CEP89: variants seen among roughly 807,000 people sequenced by gnomAD.
CEP89 encodes centrosomal protein 89, also known as centrosomal protein of 89 kDa.
Under a neutral mutation model 97.6 loss-of-function variants are expected in CEP89, and 95 were observed. That is an observed-to-expected ratio of 0.97 (90% confidence interval 0.82 to 1.15). CEP89 has a LOEUF of 1.15. CEP89 is among the 50% of genes most tolerant of loss of function. CEP89 has a pLI of 0.00. For synonymous variants in CEP89, 354 were observed against 349.1 expected, an observed-to-expected ratio of 1.01 and a Z score of -0.16; for missense variants, 869 against 947.7, an observed-to-expected ratio of 0.92 and a Z score of 1.09.
intron 16 of CEP89, among the ~76,000 whole-genome samples, chr19:32,897,134 A>T (rs1046721409): frequency 6.6e-6 from 1 of 152,240 alleles, no homozygotes; most frequent in African/African-American, 2.4e-5. Flanking sequence ...TCCAAAGAAC[A>T]GAAGTCTGTG....
intron 1 of CEP89, among the ~76,000 whole-genome samples, chr19:32,968,104 G>A (rs759557347): frequency 2.6e-5 from 4 of 152,190 alleles, no homozygotes; most frequent in Non-Finnish European, 4.4e-5. Flanking sequence ...CACAGGAGCA[G>A]AAGCTCCAAG....
chr19:32,942,592 C>T (rs187191973), intron 5 of CEP89, among the ~76,000 whole-genome samples: 29 of 152,286 alleles, frequency 1.9e-4, no homozygotes, highest in Non-Finnish European at 3.5e-4. Flanking sequence ...AAAGATTAAA[C>T]TTACAATTTA....
chr19:32,892,675 A>AG (rs1969556638), intron 16 of CEP89, among the ~76,000 whole-genome samples: 1 of 123,490 alleles, frequency 8.1e-6, no homozygotes, highest in Non-Finnish European at 1.8e-5. Flanking sequence ...AAGGGCTAAA[A>AG]GAAAAAAAAA....
At chr19:32,897,778 T>C (rs1194250853) in intron 16 of CEP89, among the ~76,000 whole-genome samples, 8 of 152,126 alleles carry the variant, frequency 5.3e-5, no homozygotes, top group Admixed American at 2.0e-4. Flanking sequence ...CCCATGCTGG[T>C]CTCAAACTCC....
chr19:32,959,050 A>AC (rs1403620985), intron 3 of CEP89, among the ~76,000 whole-genome samples: 5 of 125,144 alleles, frequency 4.0e-5, no homozygotes, highest in African/African-American at 1.4e-4. Flanking sequence ...ACAAAACAAA[A>AC]AAAAAAAAAA....
At chr19:32,897,901 G>A (rs554587332) in intron 16 of CEP89, among the ~76,000 whole-genome samples, 1 of 152,268 alleles carries the variant, frequency 6.6e-6, no homozygotes, top group South Asian at 2.1e-4. Flanking sequence ...TGAGGATGTG[G>A]AGAAAAGGGA....
intron 1 of CEP89, among the ~76,000 whole-genome samples, chr19:32,967,552 A>G (rs1260388030): frequency 6.8e-6 from 1 of 146,362 alleles, no homozygotes; most frequent in Non-Finnish European, 1.5e-5. Context: ...TAAAAACACT[A>G]TTGTTTTCTA....
chr19:32,960,556 T>A (rs1035481038), intron 2 of CEP89, among the ~76,000 whole-genome samples: 1 of 152,130 alleles, frequency 6.6e-6, no homozygotes, highest in African/African-American at 2.4e-5. Flanking sequence ...ATGCTTATAA[T>A]CCCAGCACTT....
intron 1 of CEP89, chr19:32,971,333 T>G: frequency 2.4e-6 from 1 of 419,400 alleles, no homozygotes; most frequent in Non-Finnish European, 4.2e-6. Context: ...CGGGGACGAA[T>G]GCTACAGGGG....
intron 9 of CEP89, among the ~76,000 whole-genome samples, chr19:32,930,756 C>G (rs1256030951): frequency 6.6e-6 from 1 of 152,246 alleles, no homozygotes; most frequent in Non-Finnish European, 1.5e-5. Context: ...GAGTTGGACT[C>G]TGCAACTGTT....
intron 14 of CEP89, among the ~76,000 whole-genome samples, chr19:32,909,704 C>G (rs1242062360): frequency 6.6e-6 from 1 of 152,154 alleles, no homozygotes; most frequent in African/African-American, 2.4e-5. Context: ...TTTGAGGAAT[C>G]TCTCAGAACT....
At chr19:32,915,212 AC>A in intron 14 of CEP89, 124 bp downstream of exon 14, 1 of 882,154 alleles carries the variant, frequency 1.1e-6, no homozygotes, top group Non-Finnish European at 1.7e-6. Context: ...TAATCCCAAA[AC>A]TTTGAGAGGC....
At chr19:32,948,958 GCCCATGCGAT>G (rs1970855701) in intron 4 of CEP89, among the ~76,000 whole-genome samples, 1 of 151,986 alleles carries the variant, frequency 6.6e-6, no homozygotes, top group Admixed American at 6.6e-5. Context: ...AAACTCCAGG[GCCCATGCGAT>G]CCTCCTGCTT....
At chr19:32,952,372 T>A (rs1052966425) in intron 4 of CEP89, among the ~76,000 whole-genome samples, 1 of 148,704 alleles carries the variant, frequency 6.7e-6, no homozygotes, top group Non-Finnish European at 1.5e-5. Context: ...CCCCAGCTAC[T>A]CGGGAGGCTG....
Position 32,899,885 on chromosome 19 carries a change from G to T in CEP89, c.1847C>A (p.Thr616Asn). 1 of 1,613,912 alleles carries T rather than the reference G, an allele frequency of 6.2e-7. No homozygotes were observed. Among genetic ancestry groups the T allele is most frequent in the East Asian group, 2.2e-5 (1 of 44,876 alleles). Residue 616 changes from threonine (T) to asparagine (N), a missense_variant, in exon 16 of 19, where the codon ACC becomes AAC. Transcript: ENST00000305768. ...ACACATAAGACTGTCACGTTCCTGGGTTATGTTTTCTGCCAGGCCAACAAG... is the reference window on the plus strand; with the variant it reads ...ACACATAAGACTGTCACGTTCCTGGTTTATGTTTTCTGCCAGGCCAACAAG... ...ANLVGLAENI[T>N]QERDSLMCLA...
intron 8 of CEP89, 66 bp from the exon 9 acceptor site, chr19:32,931,637 T>C: frequency 7.4e-7 from 1 of 1,347,514 alleles, no homozygotes; most frequent in South Asian, 1.4e-5. Flanking sequence ...TTTTATTAAA[T>C]TGCAAATCGT....
At chr19:32,962,168 G>A (rs1382585976) in intron 2 of CEP89, among the ~76,000 whole-genome samples, 1 of 152,154 alleles carries the variant, frequency 6.6e-6, no homozygotes, top group African/African-American at 2.4e-5. Flanking sequence ...AAAGTGATTG[G>A]ATTATGGGGG....
At chr19:32,937,411 G>A (rs947772748) in intron 7 of CEP89, 35 of 488,106 alleles carry the variant, frequency 7.2e-5, no homozygotes, top group Middle Eastern at 5.5e-4. Flanking sequence ...ACAGGTCCAC[G>A]TCCCCCCAGG....
intron 1 of CEP89, among the ~76,000 whole-genome samples, chr19:32,968,068 C>T (rs905384174): frequency 6.6e-6 from 1 of 152,042 alleles, no homozygotes; most frequent in African/African-American, 2.4e-5. Context: ...CTCCTACAGC[C>T]CCCACCACCG....
Sources: allele counts gnomAD v4.1 joint callset (sites outside exome capture counted in the v4.1 genomes callset), GRCh38; gene constraint gnomAD v4.1.1; transcripts MANE v1.5; gene names NCBI Gene and HGNC (gene_info 2026-07-23, HGNC 2026-07-21).